Variants in SLC12A6 observed in about 807,000 individuals in gnomAD.
The protein encoded by SLC12A6 is K-Cl cotransporter 3.
SLC12A6 carries 66 observed loss-of-function variants against 135.3 expected under a neutral mutation model. That is an observed-to-expected ratio of 0.49 (90% confidence interval 0.40 to 0.60). The LOEUF (loss-of-function observed/expected upper bound fraction) is 0.60. Among genes scored for constraint, SLC12A6 ranks in the 20% least tolerant of loss-of-function variants. The pLI is 0.00. For missense variants in SLC12A6, 1,058 were observed against 1,452.3 expected (o/e 0.73, Z 4.41); for synonymous variants, 513 against 508.8 (o/e 1.01, Z -0.11).
At chr15:34,323,940 C>A (rs1452000784) in intron 2 of SLC12A6, among the ~76,000 whole-genome samples, 30 of 130,958 alleles carry the variant, frequency 2.3e-4, no homozygotes, top group East Asian at 4.9e-4. Context: ...GATCTTGTCT[C>A]AAAAAAAAAA....
Position 34,230,532 on chromosome 15 carries a change from G to A in SLC12A6, c.*3349C>T, listed in dbSNP as rs963803396. On this transcript the variant is annotated 3_prime_UTR_variant, in exon 26 of 26. Coordinates refer to ENST00000354181, the MANE Select transcript of SLC12A6 (RefSeq NM_001365088.1). ...TCAGCTTTTAAGATAGATAGCTATT[G>A]AAGGCAGAGGGTCAGCAGGAGGATG... The A allele has an allele frequency of 4.6e-5, 7 of 152,614 alleles. No homozygotes were observed. Among genetic ancestry groups the A allele is most frequent in the Non-Finnish European group, 8.8e-5 (6 of 68,042 alleles). The allele number at this position is 152,614 out of a possible 1,614,324, so 9.5% of individuals were successfully genotyped here.
Position 34,242,104 on chromosome 15 carries a change from T to C in SLC12A6, c.2160A>G (p.Gln720=). Residue 720 remains glutamine (Q), a splice_region_variant and synonymous_variant, in exon 17 of 26, where the codon CAA becomes CAG. Coordinates refer to ENST00000354181, the MANE Select transcript of SLC12A6 (RefSeq NM_001365088.1). ...ATCAAGATTAAATCCACACTCACCC[T>C]TGGTATTCAATGTACTTGTAGATCA... ...AGMIYKYIEY[Q]GAEKEWGDGI... 6.2e-7 allele frequency: 1 copy of C among 1,604,376 alleles called. No homozygotes were observed. Among genetic ancestry groups the C allele is most frequent in the Non-Finnish European group, 8.5e-7 (1 of 1,171,376 alleles).
chr15:34,304,951 T>TTA (rs1485889102), intron 2 of SLC12A6, among the ~76,000 whole-genome samples: 1 of 152,202 alleles, frequency 6.6e-6, no homozygotes, highest in African/African-American at 2.4e-5. Flanking sequence ...GTTAAGTGGG[T>TTA]ATTATATCCT....
rs1240546043 is a variant in SLC12A6, at chr15:34,233,383, A to G, written c.*498T>C. 1 of 163,406 alleles carries G rather than the reference A, an allele frequency of 6.1e-6. No individual in the cohort carries two copies. Among genetic ancestry groups the G allele is most frequent in the Non-Finnish European group, 1.4e-5 (1 of 73,606 alleles). The allele number at this position is 163,406 out of a possible 1,614,324, so 10.1% of individuals were successfully genotyped here. ...GGGTATACTAAAGAAATATAGCTAA[A>G]AAATGTTTGCATCTTGGCTTGCCGA... On this transcript the variant is annotated 3_prime_UTR_variant, in exon 26 of 26. Coordinates refer to ENST00000354181, the MANE Select transcript of SLC12A6 (RefSeq NM_001365088.1).
At chr15:34,260,554 G>A (rs923488018) in intron 4 of SLC12A6, among the ~76,000 whole-genome samples, 15 of 152,174 alleles carry the variant, frequency 9.9e-5, no homozygotes, top group African/African-American at 3.6e-4. Flanking sequence ...CACCGCGCCC[G>A]GCCTTGTTTA....
intron 2 of SLC12A6, among the ~76,000 whole-genome samples, chr15:34,305,789 C>T (rs1285032222): frequency 1.4e-5 from 2 of 143,796 alleles, no homozygotes; most frequent in Admixed American, 7.0e-5. Context: ...GATGGAGTCT[C>T]GCTCTGTCAC....
chr15:34,269,000 G>A (rs907348416), intron 3 of SLC12A6, among the ~76,000 whole-genome samples: 6 of 151,986 alleles, frequency 3.9e-5, no homozygotes, highest in Non-Finnish European at 7.4e-5. Flanking sequence ...GGAATTATAG[G>A]CGCCTGCCAC....
At chr15:34,278,823 C>T (rs1342711545) in intron 2 of SLC12A6, among the ~76,000 whole-genome samples, 1 of 152,038 alleles carries the variant, frequency 6.6e-6, no homozygotes, top group Non-Finnish European at 1.5e-5. Flanking sequence ...CCTGCCTCAG[C>T]CTCCCAAAGT....
chr15:34,247,702 T>C (rs1258900492), intron 13 of SLC12A6, among the ~76,000 whole-genome samples: 1 of 146,698 alleles, frequency 6.8e-6, no homozygotes, highest in Non-Finnish European at 1.5e-5. Context: ...CTCTCCACTA[T>C]CCTGACTTTT....
At chr15:34,296,357 C>T (rs1342896198) in intron 2 of SLC12A6, among the ~76,000 whole-genome samples, 1 of 152,032 alleles carries the variant, frequency 6.6e-6, no homozygotes, top group East Asian at 1.9e-4. Flanking sequence ...CTCATGATAA[C>T]CCTGTGATAC....
intron 19 of SLC12A6, among the ~76,000 whole-genome samples, chr15:34,240,435 TTAA>T (rs1266619726): frequency 6.6e-6 from 1 of 152,186 alleles, no homozygotes; most frequent in African/African-American, 2.4e-5. Context: ...AGGTTTAGAC[TTAA>T]TAATCTTATA....
Position 34,260,950 on chromosome 15 carries a change from A to T in SLC12A6, c.387T>A (p.Phe129Leu). The T allele has an allele frequency of 2.0e-6, 3 of 1,519,398 alleles. No homozygotes were observed. The highest frequency in any genetic ancestry group is 2.7e-6 in the Non-Finnish European group (3 of 1,093,792). 94.1% of individuals were successfully genotyped at this position (1,519,398 alleles called of 1,614,324 possible). Residue 129 changes from phenylalanine (F) to leucine (L), a missense_variant, in exon 4 of 26, where the codon TTT (phenylalanine) becomes TTA (leucine). By Grantham distance (22) the Phe-to-Leu change is conservative (BLOSUM62 0). Around this residue, in one of 6 missense-constraint regions of SLC12A6, gnomAD observed 176 missense variants for 168.9 expected, o/e 1.04. Transcript: ENST00000354181. ...CCTCAAAGAGTGCCAAATTTTTATC[A>T]AAATATTCATCTCCTTCTTCATAAT... ...NSNYEEGDEY[F>L]DKNLALFEEE...
At chr15:34,286,584 CA>C (rs936983921) in intron 2 of SLC12A6, among the ~76,000 whole-genome samples, 4 of 151,742 alleles carry the variant, frequency 2.6e-5, no homozygotes, top group African/African-American at 9.7e-5. Flanking sequence ...CACTTGAGGT[CA>C]GGAGTTTGAG....
At chr15:34,263,171 G>C (rs1275389863) in intron 3 of SLC12A6, among the ~76,000 whole-genome samples, 1 of 152,132 alleles carries the variant, frequency 6.6e-6, no homozygotes, top group African/African-American at 2.4e-5. Context: ...TGTAATCCTA[G>C]AACTTTGGGA....
chr15:34,237,097 T>C, intron 22 of SLC12A6: 1 of 477,398 alleles, frequency 2.1e-6, no homozygotes. Flanking sequence ...CTGTTAGGTT[T>C]TTTTTAAAAG....
chr15:34,245,370 T>A lies in SLC12A6; in HGVS notation c.1858A>T (p.Thr620Ser), dbSNP rs1159453401. The A allele has an allele frequency of 1.2e-6, 2 of 1,612,770 alleles. No homozygotes were observed. Among genetic ancestry groups the A allele is most frequent in the Non-Finnish European group, 1.7e-6 (2 of 1,178,838 alleles). The change falls in exon 15 of 26, where the codon ACC (threonine) becomes TCC (serine). Residue 620 changes from threonine to serine, a missense_variant. Physicochemically the swap from Thr to Ser is moderately conservative, Grantham distance 58 (BLOSUM62 1). Around this residue, in one of 6 missense-constraint regions of SLC12A6, gnomAD observed 170 missense variants for 297.6 expected, o/e 0.57. Transcript: ENST00000354181. The part of the protein sequence containing the change: ...FGHSKANGEP[T>S]WALLLTAAIA... ...GCAGCAGTTAGAAGTAAAGCCCAGG[T>A]AGGTTCCCCATTGGCTTTGCTGTGG... is the stretch of plus-strand genomic sequence containing the variant.
rs925500885 is a variant in SLC12A6 at position 34,229,901 on chromosome 15, C to A, written c.*3980G>T. ...ACTAATCACTTATGTTAAAAAGAAC[C>A]AAAAGACTCTTTTCTCCATGGTGGG... On this transcript the variant is annotated 3_prime_UTR_variant, in exon 26 of 26. Coordinates refer to ENST00000354181, the MANE Select transcript of SLC12A6 (RefSeq NM_001365088.1). 4.0e-6 allele frequency: 4 copies of A among 1,003,338 alleles called. No homozygotes were observed. The Admixed American group carries it at 5.7e-5, about 14-fold the overall frequency. The allele number at this position is 1,003,338 out of a possible 1,614,324, so 62.2% of individuals were successfully genotyped here. A position where few individuals can be genotyped will look rare whatever the true frequency, so the allele number is the denominator to read the frequency against.
intron 2 of SLC12A6, among the ~76,000 whole-genome samples, chr15:34,318,995 G>C (rs1285230442): frequency 1.3e-5 from 2 of 152,148 alleles, no homozygotes; most frequent in African/African-American, 4.8e-5. Context: ...CTGGAGACTG[G>C]ACAGAATTCA....
At position 34,230,618 on chromosome 15, in the gene SLC12A6, A is replaced by C. The variant is rs886193153; in HGVS notation, c.*3263T>G. On this transcript the variant is annotated 3_prime_UTR_variant, in exon 26 of 26. Transcript: ENST00000354181. ...AGACTCAAAAGCGGGATCTTATTCA[A>C]AAGGCAGGTATTTCCTTTGTTTTCT... The C allele has an allele frequency of 6.6e-6, 1 of 152,656 alleles. No individual in the cohort carries two copies. The highest frequency in any genetic ancestry group is 1.5e-5 in the Non-Finnish European group (1 of 68,054). 9.5% of individuals were successfully genotyped at this position (152,656 alleles called of 1,614,324 possible).
Sources: gnomAD v4.1 joint callset for allele counts (sites outside exome capture counted in the v4.1 genomes callset) on GRCh38, gnomAD v4.1.1 for gene constraint, gnomAD v4.1.1 regional missense constraint, MANE v1.5 for transcripts, NCBI Gene and HGNC (gene_info 2026-07-23, HGNC 2026-07-21) for gene names.